Variants in B3GALT5 observed in about 807,000 individuals in gnomAD.
B3GALT5 encodes beta-1,3-galactosyltransferase 5, also known as UDP-Gal:betaGlcNAc beta 1,3-galactosyltransferase, polypeptide 5.
For missense variants in B3GALT5, 328 were observed against 396.6 expected, an observed-to-expected ratio of 0.83 and a Z score of 1.47; for synonymous variants, 156 against 158.6, an observed-to-expected ratio of 0.98 and a Z score of 0.12.
chr21:39,647,830 T>A (rs918761579), intron 2 of B3GALT5, among the ~76,000 whole-genome samples: 2 of 152,218 alleles, frequency 1.3e-5, no homozygotes, highest in African/African-American at 4.8e-5. Context: ...GAGAAAGCAC[T>A]TGTCTTTGTT....
Position 39,670,242 on chromosome 21 carries a change from TGAGAGA to T in B3GALT5, c.*8759_*8764del, listed in dbSNP as rs146415160. On this transcript the variant is annotated 3_prime_UTR_variant, in exon 4 of 4. Transcript: ENST00000684187. ...GTGTGTGTGTGTGTGTGTGTATCTATGAGAGAGAGAGAGACAGACAGACAGATCTGA... is the reference window on the plus strand; with the variant it reads ...GTGTGTGTGTGTGTGTGTGTATCTATGAGAGAGACAGACAGACAGATCTGA... The T allele has an allele frequency of 6.6e-6, 1 of 151,422 alleles. No individual in the cohort carries two copies. The highest frequency in any genetic ancestry group is 2.4e-5 in the African/African-American group (1 of 41,034). 9.4% of individuals were successfully genotyped at this position (151,422 alleles called of 1,614,324 possible). A position where few individuals can be genotyped will look rare whatever the true frequency, so the allele number is the denominator to read the frequency against.
rs924179379 is a variant in B3GALT5, at chr21:39,662,618, C to CTGAACTT, written c.*1129_*1135dup. 18 of 167,456 alleles carry CTGAACTT rather than the reference C, an allele frequency of 1.1e-4. No homozygotes were observed. Among genetic ancestry groups the CTGAACTT allele is most frequent in the African/African-American group, 4.1e-4 (17 of 41,464 alleles). 10.4% of individuals were successfully genotyped at this position (167,456 alleles called of 1,614,324 possible). On this transcript the variant is annotated 3_prime_UTR_variant, in exon 4 of 4. Coordinates refer to ENST00000684187, the MANE Select transcript of B3GALT5 (RefSeq NM_001356336.2). The stretch of plus-strand genomic sequence containing the variant: ...AATGTCTCATTTGGCCGAGGAACAA[C>CTGAACTT]TGAACTTTGTGGTTTGCTGTTTAGC...
intron 1 of B3GALT5, among the ~76,000 whole-genome samples, chr21:39,629,344 C>T (rs2079180435): frequency 6.6e-6 from 1 of 152,152 alleles, no homozygotes; most frequent in South Asian, 2.1e-4. Flanking sequence ...CTATACGTGC[C>T]ATTTCACATG....
chr21:39,657,788 A>T, intron 2 of B3GALT5: 2 of 1,094,208 alleles, frequency 1.8e-6, no homozygotes, highest in South Asian at 9.3e-5. Context: ...TCTCTAGAGA[A>T]CCCTGACTAA....
chr21:39,658,380 A>G (rs966977155), intron 2 of B3GALT5, among the ~76,000 whole-genome samples: 1 of 152,172 alleles, frequency 6.6e-6, no homozygotes, highest in Non-Finnish European at 1.5e-5. Context: ...GGCACATCAG[A>G]GAGAATGAGA....
chr21:39,626,506 T>C (rs896506067), intron 1 of B3GALT5, among the ~76,000 whole-genome samples: 3 of 152,158 alleles, frequency 2.0e-5, no homozygotes, highest in Non-Finnish European at 2.9e-5. Flanking sequence ...AGCTGTGATA[T>C]CATTTTCCAC....
intron 1 of B3GALT5, among the ~76,000 whole-genome samples, chr21:39,619,482 A>G (rs1039779538): frequency 2.6e-5 from 4 of 152,188 alleles, no homozygotes; most frequent in African/African-American, 9.7e-5. Flanking sequence ...GCATTGGTTT[A>G]TAAATCACAA....
At chr21:39,653,624 C>T (rs138995955) in intron 2 of B3GALT5, among the ~76,000 whole-genome samples, 5 of 152,358 alleles carry the variant, frequency 3.3e-5, no homozygotes, top group Non-Finnish European at 7.3e-5. Flanking sequence ...AACTGGTGAA[C>T]TGCTTTCCTT....
intron 3 of B3GALT5, among the ~76,000 whole-genome samples, chr21:39,660,270 C>T (rs988033122): frequency 1.3e-5 from 2 of 152,182 alleles, no homozygotes; most frequent in Admixed American, 6.5e-5. Flanking sequence ...GACCTGGTGC[C>T]ATATCCCTAC....
chr21:39,649,826 G>C (rs992901909), intron 2 of B3GALT5, among the ~76,000 whole-genome samples: 1 of 152,172 alleles, frequency 6.6e-6, no homozygotes, highest in Non-Finnish European at 1.5e-5. Context: ...ATCAGATAGT[G>C]ATGGTGTGGG....
intron 1 of B3GALT5, among the ~76,000 whole-genome samples, chr21:39,631,916 G>A (rs868169575): frequency 6.6e-5 from 10 of 152,290 alleles, no homozygotes; most frequent in Non-Finnish European, 8.8e-5. Flanking sequence ...GCATTAAGAG[G>A]AGCTCCAGGG....
intron 1 of B3GALT5, among the ~76,000 whole-genome samples, chr21:39,628,314 T>G (rs1289814338): frequency 6.6e-6 from 1 of 152,218 alleles, no homozygotes; most frequent in African/African-American, 2.4e-5. Flanking sequence ...ATGCGTAGAT[T>G]GTGTAGTGGT....
intron 1 of B3GALT5, among the ~76,000 whole-genome samples, chr21:39,631,700 C>A (rs141717587): frequency 6.6e-6 from 1 of 152,226 alleles, no homozygotes; most frequent in East Asian, 1.9e-4. Context: ...TAAACAGATA[C>A]GCTTAAATAT....
chr21:39,614,443 A>G (rs914074152), intron 1 of B3GALT5, among the ~76,000 whole-genome samples: 6 of 152,214 alleles, frequency 3.9e-5, no homozygotes, highest in Admixed American at 2.6e-4. Flanking sequence ...GAGATGTTTC[A>G]CTATGCTGTC....
chr21:39,613,677 T>G (rs1357398934), intron 1 of B3GALT5, among the ~76,000 whole-genome samples: 2 of 152,068 alleles, frequency 1.3e-5, no homozygotes, highest in Non-Finnish European at 2.9e-5. Context: ...TGTGTGTGAG[T>G]GCGTGTGTGT....
chr21:39,618,435 C>T (rs2079118072), intron 1 of B3GALT5, among the ~76,000 whole-genome samples: 1 of 152,156 alleles, frequency 6.6e-6, no homozygotes, highest in Non-Finnish European at 1.5e-5. Context: ...TCCTGTTTTT[C>T]CACAGCTTCC....
At chr21:39,650,637 C>T (rs1429421192) in intron 2 of B3GALT5, among the ~76,000 whole-genome samples, 1 of 152,154 alleles carries the variant, frequency 6.6e-6, no homozygotes, top group Admixed American at 6.5e-5. Context: ...GATGCCAGCG[C>T]CTGGCTCGTT....
intron 1 of B3GALT5, among the ~76,000 whole-genome samples, chr21:39,639,287 G>GCTCTTTCTTTCTTTCTTTCT (rs2079254370): frequency 8.0e-6 from 1 of 124,916 alleles, no homozygotes; most frequent in African/African-American, 2.8e-5. Context: ...CAGGCATCTG[G>GCTCTTTCTTTCTTTCTTTCT]CTCTTTCTTT....
chr21:39,615,840 T>C (rs2079104782), intron 1 of B3GALT5, among the ~76,000 whole-genome samples: 1 of 152,260 alleles, frequency 6.6e-6, no homozygotes, highest in South Asian at 2.1e-4. Context: ...GTTGTTATTA[T>C]GACTTCTTGT....
Sources: allele counts gnomAD v4.1 joint callset (sites outside exome capture counted in the v4.1 genomes callset), GRCh38; gene constraint gnomAD v4.1.1; transcripts MANE v1.5; gene names NCBI Gene and HGNC (gene_info 2026-07-23, HGNC 2026-07-21).